Variants in VPS8 observed in about 807,000 individuals in gnomAD.
The protein encoded by VPS8 is vacuolar protein sorting-associated protein 8 homolog.
VPS8 carries 129 observed loss-of-function variants against 216.4 expected under a neutral mutation model. The observed-to-expected ratio is 0.60, with a 90% confidence interval of 0.52 to 0.69. The LOEUF is 0.69. Ranked by LOEUF, VPS8 falls within the 30% of genes least tolerant of loss-of-function variation. The pLI, the probability that VPS8 is intolerant of heterozygous loss-of-function variation, is 0.00. For missense variants in VPS8, 1,531 were observed against 1,683.5 expected, an observed-to-expected ratio of 0.91 and a Z score of 1.59; for synonymous variants, 571 against 565.4, an observed-to-expected ratio of 1.01 and a Z score of -0.14.
At chr3:184,979,842 A>G (rs1301338167) in intron 40 of VPS8, among the ~76,000 whole-genome samples, 6 of 152,076 alleles carry the variant, frequency 3.9e-5, no homozygotes, top group African/African-American at 4.8e-5. Flanking sequence ...TCCTGTCATC[A>G]TGTGTTTAGT....
intron 44 of VPS8, among the ~76,000 whole-genome samples, chr3:184,997,252 G>A (rs1457634325): frequency 2.0e-5 from 3 of 152,240 alleles, no homozygotes; most frequent in East Asian, 1.9e-4. Context: ...TGATATGGCC[G>A]TGGATCCAAA....
chr3:184,855,597 TG>T (rs1725086758), intron 13 of VPS8, 113 bp from the exon 14 acceptor site: 2 of 856,186 alleles, frequency 2.3e-6, no homozygotes, highest in Non-Finnish European at 3.7e-6. Flanking sequence ...ACTGAGAAAT[TG>T]GGGAAAGTTT....
chr3:184,981,895 G>C (rs888360346), intron 40 of VPS8, among the ~76,000 whole-genome samples: 1 of 152,004 alleles, frequency 6.6e-6, no homozygotes, highest in African/African-American at 2.4e-5. Context: ...GTTATTATGA[G>C]ATTGAAATGC....
chr3:184,820,871 A>C (rs967462130), intron 1 of VPS8, among the ~76,000 whole-genome samples: 6 of 152,214 alleles, frequency 3.9e-5, no homozygotes, highest in Admixed American at 3.9e-4. Flanking sequence ...TGTTATAATT[A>C]AAGTTTTTAT....
chr3:184,965,253 CAT>C (rs750334952), intron 38 of VPS8, among the ~76,000 whole-genome samples: 4 of 152,132 alleles, frequency 2.6e-5, no homozygotes, highest in Non-Finnish European at 4.4e-5. Context: ...TCTTTCTAGC[CAT>C]ATGATTCTAA....
chr3:185,035,537 G>C (rs1290357276), intron 46 of VPS8, among the ~76,000 whole-genome samples: 2 of 152,076 alleles, frequency 1.3e-5, no homozygotes, highest in Non-Finnish European at 2.9e-5. Context: ...TTGCAGAAAA[G>C]TCTTTCAATG....
intron 46 of VPS8, among the ~76,000 whole-genome samples, chr3:185,031,228 A>G (rs1180502713): frequency 6.6e-6 from 1 of 152,236 alleles, no homozygotes; most frequent in East Asian, 1.9e-4. Flanking sequence ...GCACTGAGAT[A>G]GATGCAGCAT....
intron 22 of VPS8, among the ~76,000 whole-genome samples, chr3:184,887,095 C>T (rs1356903278): frequency 1.3e-5 from 2 of 152,206 alleles, no homozygotes; most frequent in African/African-American, 4.8e-5. Context: ...GTGATCCCAG[C>T]ACTGTGGGAG....
intron 42 of VPS8, among the ~76,000 whole-genome samples, chr3:184,991,526 T>C (rs1243727801): frequency 2.6e-5 from 4 of 152,186 alleles, no homozygotes; most frequent in African/African-American, 7.2e-5. Flanking sequence ...AAATGACCTA[T>C]AGAGATTTCC....
chr3:185,001,174 A>G (rs976570570), intron 45 of VPS8, among the ~76,000 whole-genome samples: 2 of 152,170 alleles, frequency 1.3e-5, no homozygotes, highest in Non-Finnish European at 2.9e-5. Context: ...GAGTACTCTC[A>G]AGTTTTTTCT....
chr3:184,860,629 AG>A (rs1360731011), intron 15 of VPS8, among the ~76,000 whole-genome samples: 3 of 152,260 alleles, frequency 2.0e-5, no homozygotes, highest in African/African-American at 7.2e-5. Context: ...TTTAGCTCAA[AG>A]GGGAGTTTGG....
chr3:184,906,521 C>T (rs75411120), intron 25 of VPS8, among the ~76,000 whole-genome samples: 2,787 of 152,170 alleles, frequency 0.018, 95 homozygotes, highest in African/African-American at 0.064. Context: ...TAGAAAAAGG[C>T]ATATACTTTT....
At chr3:184,962,664 C>T (rs1746718263) in intron 37 of VPS8, among the ~76,000 whole-genome samples, 1 of 151,372 alleles carries the variant, frequency 6.6e-6, no homozygotes, top group Non-Finnish European at 1.5e-5. Flanking sequence ...TTTATTATGG[C>T]ACATCATTTA....
intron 22 of VPS8, among the ~76,000 whole-genome samples, chr3:184,891,826 T>A (rs1732409692): frequency 6.6e-6 from 1 of 152,206 alleles, no homozygotes; most frequent in Non-Finnish European, 1.5e-5. Context: ...TTAGTATGGA[T>A]TGGCAAGGGT....
intron 22 of VPS8, 21 bp from the exon 23 acceptor site, chr3:184,894,682 C>G (rs750954573): frequency 6.4e-7 from 1 of 1,553,062 alleles, no homozygotes; most frequent in African/African-American, 1.4e-5. Flanking sequence ...AAAAGTTTTT[C>G]TCCCCCCCTT....
intron 47 of VPS8, among the ~76,000 whole-genome samples, chr3:185,048,851 C>A (rs1254412821): frequency 2.6e-5 from 4 of 152,188 alleles, no homozygotes; most frequent in Non-Finnish European, 5.9e-5. Context: ...GAAGGTTGAT[C>A]CCAGGAGGGC....
intron 22 of VPS8, among the ~76,000 whole-genome samples, chr3:184,889,745 G>A (rs990611249): frequency 6.6e-6 from 1 of 152,056 alleles, no homozygotes; most frequent in Non-Finnish European, 1.5e-5. Flanking sequence ...TGGGTCAAAC[G>A]CTCCCTCTTT....
At chr3:184,918,508 G>A (rs932985829) in intron 28 of VPS8, among the ~76,000 whole-genome samples, 4 of 152,156 alleles carry the variant, frequency 2.6e-5, no homozygotes, top group African/African-American at 9.7e-5. Context: ...GGTGGCAGAT[G>A]TTAACTACCA....
intron 46 of VPS8, among the ~76,000 whole-genome samples, chr3:185,038,525 A>T (rs566814344): frequency 6.6e-6 from 1 of 152,298 alleles, no homozygotes; most frequent in South Asian, 2.1e-4. Flanking sequence ...TTGTATTTTC[A>T]TTAAATCCAC....
Sources: gnomAD v4.1 joint callset for allele counts (sites outside exome capture counted in the v4.1 genomes callset) on GRCh38, gnomAD v4.1.1 for gene constraint, MANE v1.5 for transcripts, NCBI Gene and HGNC (gene_info 2026-07-23, HGNC 2026-07-21) for gene names.